Variants in SIM1 observed in about 807,000 individuals in gnomAD.
SIM1 encodes single-minded homolog 1.
Under a neutral mutation model 78.2 loss-of-function variants are expected in SIM1, and 18 were observed. That is an observed-to-expected ratio of 0.23 (90% CI 0.16 to 0.34). SIM1 has a LOEUF of 0.34. Among genes scored for constraint, SIM1 ranks in the 10% least tolerant of loss-of-function variants. The pLI, the probability that SIM1 is intolerant of heterozygous loss-of-function variation, is 1.00. For missense variants in SIM1, 939 were observed against 975.1 expected, an observed-to-expected ratio of 0.96 and a Z score of 0.49; for synonymous variants, 417 against 385.2, an observed-to-expected ratio of 1.08 and a Z score of -0.97.
intron 9 of SIM1, among the ~76,000 whole-genome samples, chr6:100,433,356 G>A (rs1771950964): frequency 6.6e-6 from 1 of 152,038 alleles, no homozygotes; most frequent in Non-Finnish European, 1.5e-5. Flanking sequence ...ATGCCAAGCA[G>A]GTTTCCACCT....
At chr6:100,433,668 T>C (rs1771958747) in intron 9 of SIM1, among the ~76,000 whole-genome samples, 1 of 151,274 alleles carries the variant, frequency 6.6e-6, no homozygotes, top group African/African-American at 2.4e-5. Flanking sequence ...GCCTGGGAGG[T>C]CGAGGTGCGG....
At chr6:100,392,991 G>A (rs1310916559) in intron 11 of SIM1, among the ~76,000 whole-genome samples, 1 of 152,144 alleles carries the variant, frequency 6.6e-6, no homozygotes, top group Non-Finnish European at 1.5e-5. Flanking sequence ...AATGATGGGG[G>A]AAAGGGGAAG....
intron 10 of SIM1, among the ~76,000 whole-genome samples, chr6:100,403,611 T>C (rs145982801): frequency 2.6e-5 from 4 of 152,286 alleles, no homozygotes; most frequent in African/African-American, 9.6e-5. Context: ...AAGACCTGAA[T>C]AGAGGGAAAA....
chr6:100,413,817 T>C (rs1161134225), intron 10 of SIM1, among the ~76,000 whole-genome samples: 1 of 152,232 alleles, frequency 6.6e-6, no homozygotes, highest in Non-Finnish European at 1.5e-5. Context: ...AAGTTCTCTA[T>C]AATGGCTTAG....
intron 6 of SIM1, 88 bp downstream of exon 6, chr6:100,449,275 C>G (rs1231024188): frequency 8.9e-7 from 1 of 1,124,552 alleles, no homozygotes; most frequent in East Asian, 2.5e-5. Flanking sequence ...CGGGTAGTCC[C>G]AGAGGTAGGG....
At position 100,385,147 on chromosome 6, in the gene SIM1, A is replaced by T. The variant is rs777190423; in HGVS notation, c.*5214T>A. On this transcript the variant is annotated 3_prime_UTR_variant, in exon 12 of 12. Transcript: ENST00000369208. ...ATTATAAATGGGAACACTTTGCAAG[A>T]TATCATTGACATAGCTAATATTTTC... The T allele has an allele frequency of 2.0e-5, 3 of 152,054 alleles. No homozygotes were observed. Among genetic ancestry groups the T allele is most frequent in the Non-Finnish European group, 4.4e-5 (3 of 67,946 alleles). 9.4% of individuals were successfully genotyped at this position (152,054 alleles called of 1,614,324 possible).
At chr6:100,460,508 C>T (rs1474195205) in intron 2 of SIM1, among the ~76,000 whole-genome samples, 5 of 152,258 alleles carry the variant, frequency 3.3e-5, no homozygotes, top group Non-Finnish European at 5.9e-5. Flanking sequence ...CATATATTAC[C>T]TGTGATAAGA....
chr6:100,417,907 G>A (rs1400287338), intron 10 of SIM1, among the ~76,000 whole-genome samples: 1 of 152,112 alleles, frequency 6.6e-6, no homozygotes, highest in East Asian at 1.9e-4. Context: ...CTTAATTTAC[G>A]ACTGTGCAAT....
intron 10 of SIM1, among the ~76,000 whole-genome samples, chr6:100,417,887 G>A (rs1476701171): frequency 6.6e-6 from 1 of 152,170 alleles, no homozygotes; most frequent in African/African-American, 2.4e-5. Context: ...GTGCATAAAT[G>A]TTAAGTAAAC....
In SIM1 at chr6:100,393,787, C is replaced by T. The variant is rs763972030; in HGVS notation, c.1270G>A (p.Asp424Asn). ...TASPQLLDPA[D>N]RPGSQHDASC... ...GCGTCGTGCTGGGAGCCAGGCCTAT[C>T]GGCGGGGTCCAGAAGCTGCGGAGAG... The change falls in exon 11 of 12, where the codon GAT (aspartate) becomes AAT (asparagine). Residue 424 changes from aspartate (D) to asparagine (N), a missense_variant. Asp to Asn is a conservative substitution (Grantham distance 23). Transcript: ENST00000369208. The T allele has an allele frequency of 8.7e-6, 14 of 1,613,930 alleles. No homozygotes were observed. The highest frequency in any genetic ancestry group is 2.7e-5 in the African/African-American group (2 of 74,940).
At position 100,412,612 on chromosome 6, in the gene SIM1, GAAAGAAAGAAGGAAAGAAAGAAAGA is replaced by G. The variant is rs1562239665; in HGVS notation, c.1167+8153_1167+8177del. 5.2e-5 allele frequency among the ~76,000 whole-genome samples: 3 copies of G among 57,814 alleles called. 1 individual carries two copies. The highest frequency in any genetic ancestry group is 2.9e-3 in the East Asian group (2 of 680). The allele number at this position is 57,814 out of a possible 152,430, so 37.9% of individuals were successfully genotyped here. The stretch of plus-strand genomic sequence containing the variant: ...GAAAGAAAGAAAGAAAGAAAGAAAG[GAAAGAAAGAAGGAAAGAAAGAAAGA>G]AAAGAAAGAAAGAAAGAAAGAGAGA... On this transcript the variant is annotated intron_variant, in intron 10 of 11. Coordinates refer to ENST00000369208, the MANE Select transcript of SIM1 (RefSeq NM_005068.3).
chr6:100,402,741 CTAATTTT>C (rs1452277812), intron 10 of SIM1, among the ~76,000 whole-genome samples: 2 of 151,920 alleles, frequency 1.3e-5, no homozygotes, highest in Non-Finnish European at 2.9e-5. Context: ...CCACGCCTGG[CTAATTTT>C]TTGTATTTTT....
chr6:100,448,073 A>C (rs569374930), intron 8 of SIM1, 73 bp downstream of exon 8: 3 of 1,259,904 alleles, frequency 2.4e-6, no homozygotes, highest in Non-Finnish European at 3.3e-6. Flanking sequence ...AGGGATTTAA[A>C]TCGTGGCTCC....
chr6:100,406,931 A>G (rs62420429), intron 10 of SIM1, among the ~76,000 whole-genome samples: 10,423 of 152,192 alleles, frequency 0.068, 466 homozygotes, highest in East Asian at 0.18. Flanking sequence ...TCCCCAGAAC[A>G]CATCCATCTT....
At chr6:100,437,741 A>G (rs1223728292) in intron 9 of SIM1, among the ~76,000 whole-genome samples, 1 of 152,228 alleles carries the variant, frequency 6.6e-6, no homozygotes, top group Non-Finnish European at 1.5e-5. Flanking sequence ...CCTTTAGAGT[A>G]TCAATGACAA....
At chr6:100,457,218 A>T (rs950234588) in intron 2 of SIM1, among the ~76,000 whole-genome samples, 11 of 152,132 alleles carry the variant, frequency 7.2e-5, no homozygotes, top group Non-Finnish European at 1.2e-4. Flanking sequence ...TTCTTTTAAA[A>T]TTTTTCTTTA....
chr6:100,408,652 A>G (rs978903966), intron 10 of SIM1, among the ~76,000 whole-genome samples: 3 of 152,102 alleles, frequency 2.0e-5, no homozygotes, highest in African/African-American at 7.2e-5. Context: ...ATGCTTTTTC[A>G]GCATGTATTG....
At chr6:100,426,219 A>G (rs561058675) in intron 9 of SIM1, among the ~76,000 whole-genome samples, 13 of 152,320 alleles carry the variant, frequency 8.5e-5, no homozygotes, top group African/African-American at 2.4e-4. Context: ...ATCACTAGGA[A>G]TTGCAGCTTG....
chr6:100,393,187 T>A (rs1045795891), intron 11 of SIM1, among the ~76,000 whole-genome samples: 1 of 152,162 alleles, frequency 6.6e-6, no homozygotes, highest in Non-Finnish European at 1.5e-5. Flanking sequence ...AAATAATGTA[T>A]GAGGAATGTA....
Sources: gnomAD v4.1 joint callset for allele counts (sites outside exome capture counted in the v4.1 genomes callset) on GRCh38, gnomAD v4.1.1 for gene constraint, MANE v1.5 for transcripts, NCBI Gene and HGNC (gene_info 2026-07-23, HGNC 2026-07-21) for gene names.